RALGAPA1: variants seen among roughly 807,000 people sequenced by gnomAD.
RALGAPA1 encodes ral GTPase-activating protein subunit alpha-1.
A neutral mutation model predicts 269.6 loss-of-function variants in RALGAPA1; 52 were observed. The observed-to-expected ratio is 0.19, with a 90% confidence interval of 0.15 to 0.24. The LOEUF (loss-of-function observed/expected upper bound fraction) is 0.24, where lower values mean the gene tolerates loss of function less well. Among genes scored for constraint, RALGAPA1 ranks in the 10% least tolerant of loss-of-function variants. The pLI, the probability that RALGAPA1 is intolerant of heterozygous loss-of-function variation, is 1.00. For missense variants in RALGAPA1, 1,917 were observed against 3,013.9 expected (o/e 0.64, Z 8.52); for synonymous variants, 817 against 1,008.3 (o/e 0.81, Z 3.60).
intron 6 of RALGAPA1, among the ~76,000 whole-genome samples, chr14:35,760,604 G>A (rs1199984260): frequency 6.6e-6 from 1 of 152,154 alleles, no homozygotes; most frequent in Non-Finnish European, 1.5e-5. Flanking sequence ...TAGCCCTTGT[G>A]GCATGGCATG....
intron 31 of RALGAPA1, among the ~76,000 whole-genome samples, chr14:35,650,762 G>C (rs1349756648): frequency 6.6e-6 from 1 of 152,176 alleles, no homozygotes; most frequent in Non-Finnish European, 1.5e-5. Flanking sequence ...CTGGAGAATA[G>C]AACTCAAGAT....
At chr14:35,749,025 A>C (rs1304024237) in intron 9 of RALGAPA1, among the ~76,000 whole-genome samples, 1 of 152,186 alleles carries the variant, frequency 6.6e-6, no homozygotes, top group Non-Finnish European at 1.5e-5. Context: ...TCAACATCTA[A>C]GTGACAGATA....
chr14:35,673,729 C>T (rs2064703826), intron 24 of RALGAPA1, among the ~76,000 whole-genome samples: 2 of 151,936 alleles, frequency 1.3e-5, no homozygotes, highest in Admixed American at 6.6e-5. Flanking sequence ...TACAGGTGCC[C>T]ACCACCATGC....
intron 16 of RALGAPA1, among the ~76,000 whole-genome samples, chr14:35,707,986 T>C (rs2067951498): frequency 6.6e-6 from 1 of 152,034 alleles, no homozygotes; most frequent in Non-Finnish European, 1.5e-5. Context: ...TCATTTTCAA[T>C]AAAAATGCCA....
At chr14:35,602,957 A>G (rs1409606650) in intron 36 of RALGAPA1, among the ~76,000 whole-genome samples, 2 of 152,108 alleles carry the variant, frequency 1.3e-5, no homozygotes, top group Non-Finnish European at 2.9e-5. Context: ...CATTCTTTGC[A>G]TATGGCTCAT....
At position 35,808,718 on chromosome 14, in the gene RALGAPA1, C is replaced by T. The variant is rs2077552357; in HGVS notation, c.106+12G>A. The stretch of plus-strand genomic sequence containing the variant: ...AACCCAGGCCTCGGCGCTGCCACCC[C>T]TCGCTCCTCACCGATGACGATGCGC... On this transcript the variant is annotated intron_variant, in intron 1 of 41. Transcript: ENST00000680220. 6.2e-7 allele frequency: 1 copy of T among 1,608,580 alleles called. No homozygotes were observed. The highest frequency in any genetic ancestry group is 8.5e-7 in the Non-Finnish European group (1 of 1,177,530).
chr14:35,737,035 CAAA>C (rs556177197), intron 12 of RALGAPA1, among the ~76,000 whole-genome samples: 2 of 57,264 alleles, frequency 3.5e-5, no homozygotes, highest in Non-Finnish European at 3.6e-5. Context: ...GGCTCCATCT[CAAA>C]AAAAAAAAAA....
intron 35 of RALGAPA1, among the ~76,000 whole-genome samples, chr14:35,607,913 C>A (rs1167240055): frequency 6.6e-6 from 1 of 152,030 alleles, no homozygotes; most frequent in Non-Finnish European, 1.5e-5. Context: ...TAGGCTGCAC[C>A]CAATAAGGAA....
In RALGAPA1 at chr14:35,628,090, G is replaced by A. The variant is rs2061102058; in HGVS notation, c.5996-139C>T. On this transcript the variant is annotated intron_variant, in intron 33 of 41. Coordinates refer to ENST00000680220, the MANE Select transcript of RALGAPA1 (RefSeq NM_001346249.2). ...TTAGATTCCATAATACAGTAATGAT[G>A]GCAAAAAAGGAGGAAAACCATTCTT... 6.0e-6 allele frequency: 6 copies of A among 994,782 alleles called. No individual in the cohort carries two copies. In the Admixed American group the frequency reaches 9.4e-5, roughly 16 times the overall value. The allele number at this position is 994,782 out of a possible 1,614,324, so 61.6% of individuals were successfully genotyped here.
intron 35 of RALGAPA1, among the ~76,000 whole-genome samples, chr14:35,609,119 T>C (rs2059766038): frequency 6.6e-6 from 1 of 151,298 alleles, no homozygotes; most frequent in African/African-American, 2.4e-5. Flanking sequence ...CCCAGCTACT[T>C]GGGAGGCTGA....
chr14:35,627,550 A>C lies in RALGAPA1; in HGVS notation c.6397T>G (p.Ser2133Ala). Residue 2133 changes from serine (S) to alanine (A), a missense_variant, in exon 34 of 42, where the codon TCT becomes GCT. By Grantham distance (99) the Ser-to-Ala change is moderately conservative (BLOSUM62 1). Coordinates refer to ENST00000680220, the MANE Select transcript of RALGAPA1 (RefSeq NM_001346249.2). ...PPVSGLSEPT[S>A]FMLSLSHQEK... ...TGGTGAGACAATGAAAGCATGAAAGATGTAGGTTCTGACAAGCCACTTACA... is the reference window on the plus strand; with the variant it reads ...TGGTGAGACAATGAAAGCATGAAAGCTGTAGGTTCTGACAAGCCACTTACA... 1 of 1,583,614 alleles carries C rather than the reference A, an allele frequency of 6.3e-7. No individual in the cohort carries two copies.
intron 17 of RALGAPA1, among the ~76,000 whole-genome samples, chr14:35,699,590 T>TA: frequency 6.6e-6 from 1 of 152,230 alleles, no homozygotes; most frequent in South Asian, 2.1e-4. Flanking sequence ...CAGAATGGTT[T>TA]AAAAATGAGT....
chr14:35,561,226 C>CA (rs71124706), intron 39 of RALGAPA1, among the ~76,000 whole-genome samples: 16,719 of 36,718 alleles, frequency 0.46, 5,432 homozygotes, highest in Non-Finnish European at 0.51. Flanking sequence ...AACTCTGTCT[C>CA]AAAAAAAAAA....
Position 35,808,716 on chromosome 14 carries a change from C to T in RALGAPA1, c.106+14G>A, listed in dbSNP as rs369858499. 5.0e-6 allele frequency: 8 copies of T among 1,607,684 alleles called. No individual in the cohort carries two copies. The highest frequency in any genetic ancestry group is 6.8e-6 in the Non-Finnish European group (8 of 1,177,102). Reference sequence around the variant, plus strand: ...GCAACCCAGGCCTCGGCGCTGCCACCCCTCGCTCCTCACCGATGACGATGC... The same window carrying T: ...GCAACCCAGGCCTCGGCGCTGCCACTCCTCGCTCCTCACCGATGACGATGC... On this transcript the variant is annotated intron_variant, in intron 1 of 41. Transcript: ENST00000680220.
At chr14:35,653,667 A>G (rs1256409377) in intron 30 of RALGAPA1, among the ~76,000 whole-genome samples, 2 of 151,642 alleles carry the variant, frequency 1.3e-5, no homozygotes, top group East Asian at 1.9e-4. Flanking sequence ...TTGTGGGGGT[A>G]TGTGATATGG....
intron 26 of RALGAPA1, 63 bp from the exon 27 acceptor site, chr14:35,664,830 T>G: frequency 6.6e-7 from 1 of 1,520,436 alleles, no homozygotes; most frequent in East Asian, 2.3e-5. Context: ...TCAGAAAAGT[T>G]GCTTTGTTAT....
intron 1 of RALGAPA1, among the ~76,000 whole-genome samples, 156 bp downstream of exon 1, chr14:35,808,574 G>A (rs758116547): frequency 6.6e-6 from 1 of 152,120 alleles, no homozygotes; most frequent in Admixed American, 6.5e-5. Context: ...CCAAGTTTTC[G>A]CTTCTCCGAA....
chr14:35,623,076 C>T (rs1250825448), intron 35 of RALGAPA1, among the ~76,000 whole-genome samples: 1 of 123,426 alleles, frequency 8.1e-6, no homozygotes, highest in Non-Finnish European at 1.6e-5. Flanking sequence ...GAGGAAGACT[C>T]TGTCTCAAAA....
intron 33 of RALGAPA1, among the ~76,000 whole-genome samples, chr14:35,630,539 C>T (rs537126412): frequency 6.6e-6 from 1 of 152,318 alleles, no homozygotes; most frequent in Non-Finnish European, 1.5e-5. Context: ...GCCAGGGCCT[C>T]CCAAAGTGCT....
Sources: allele counts gnomAD v4.1 joint callset (sites outside exome capture counted in the v4.1 genomes callset), GRCh38; gene constraint gnomAD v4.1.1; transcripts MANE v1.5; gene names NCBI Gene and HGNC (gene_info 2026-07-23, HGNC 2026-07-21).